N4BP2L2: variants seen among roughly 807,000 people sequenced by gnomAD.
The protein encoded by N4BP2L2 is NEDD4-binding protein 2-like 2.
In N4BP2L2, 50 loss-of-function variants were observed where a neutral mutation model predicts 56.2. The ratio of observed to expected loss-of-function variants is 0.89; its 90% CI spans 0.71 to 1.13. The LOEUF (loss-of-function observed/expected upper bound fraction) is 1.13, where lower values mean the gene tolerates loss of function less well. Among genes scored for constraint, N4BP2L2 ranks in the 50% most tolerant of loss-of-function variants. The probability of loss-of-function intolerance (pLI) is 0.00; values close to 1 mark genes in which losing one functional copy is unlikely to be tolerated. For synonymous variants in N4BP2L2, 203 were observed against 223.6 expected (o/e 0.91, Z 0.82); for missense variants, 689 against 693.8 (o/e 0.99, Z 0.08).
At chr13:32,533,350 A>C (rs576510534) in intron 2 of N4BP2L2, among the ~76,000 whole-genome samples, 1 of 151,736 alleles carries the variant, frequency 6.6e-6, no homozygotes, top group Non-Finnish European at 1.5e-5. Flanking sequence ...CTCTCTCAGA[A>C]TATCATCCGA....
chr13:32,469,671 G>C (rs963618679), intron 6 of N4BP2L2, among the ~76,000 whole-genome samples: 1 of 152,254 alleles, frequency 6.6e-6, no homozygotes, highest in Non-Finnish European at 1.5e-5. Context: ...TGAGACGAAG[G>C]AGCTGACACA....
intron 6 of N4BP2L2, among the ~76,000 whole-genome samples, chr13:32,444,720 C>G (rs985776707): frequency 6.6e-6 from 1 of 152,076 alleles, no homozygotes; most frequent in African/African-American, 2.4e-5. Context: ...AAAGAAAATA[C>G]TTCATATATA....
At chr13:32,471,772 A>ATGAAAGAGCTGCTG (rs2082345813) in intron 6 of N4BP2L2, among the ~76,000 whole-genome samples, 1 of 152,046 alleles carries the variant, frequency 6.6e-6, no homozygotes, top group South Asian at 2.1e-4. Flanking sequence ...GTGAGCTGCT[A>ATGAAAGAGCTGCTG]ATGAAAGAGC....
chr13:32,480,618 T>C, intron 6 of N4BP2L2: 1 of 1,288,282 alleles, frequency 7.8e-7, no homozygotes, highest in Non-Finnish European at 1.0e-6. Context: ...AGGAAACATT[T>C]GATATTTCTT....
intron 6 of N4BP2L2, among the ~76,000 whole-genome samples, chr13:32,446,008 G>C (rs2076997248): frequency 6.6e-6 from 1 of 152,214 alleles, no homozygotes; most frequent in South Asian, 2.1e-4. Flanking sequence ...ATCCAGGACA[G>C]AGGAATAGAA....
chr13:32,501,305 ACT>A lies in N4BP2L2; in HGVS notation c.365+16550_365+16551del, dbSNP rs1323544548. On this transcript the variant is annotated intron_variant, in intron 6 of 9. Transcript: ENST00000357505. Reference sequence around the variant, plus strand: ...ATAACTACAGATAGGCTGATATCACACTGTCACATGAACATTACACATAATGT... The same window carrying A: ...ATAACTACAGATAGGCTGATATCACAGTCACATGAACATTACACATAATGT... 1.7e-4 allele frequency among the ~76,000 whole-genome samples: 26 copies of A among 152,320 alleles called. No homozygotes were observed. In the East Asian group the frequency reaches 3.9e-3, roughly 23 times the overall value.
chr13:32,474,426 A>C (rs1481459136), intron 6 of N4BP2L2, among the ~76,000 whole-genome samples: 1 of 152,012 alleles, frequency 6.6e-6, no homozygotes, highest in Non-Finnish European at 1.5e-5. Context: ...ACAGTGGCTC[A>C]CGCCTGTAAT....
At chr13:32,475,953 T>G (rs1235913962) in intron 6 of N4BP2L2, among the ~76,000 whole-genome samples, 1 of 152,168 alleles carries the variant, frequency 6.6e-6, no homozygotes, top group Non-Finnish European at 1.5e-5. Context: ...AGGCATGATA[T>G]ATCTTGTTAG....
chr13:32,521,875 C>G (rs1039406446), intron 4 of N4BP2L2: 1 of 314,436 alleles, frequency 3.2e-6, no homozygotes, highest in Non-Finnish European at 5.8e-6. Flanking sequence ...ACTCAGGTGG[C>G]TGAGGCAGGA....
At chr13:32,510,031 ACTGT>A (rs2091524911), downstream of N4BP2L2, among the ~76,000 whole-genome samples, 1 of 152,078 alleles carries the variant, frequency 6.6e-6, no homozygotes, top group South Asian at 2.1e-4. Context: ...AACTTAAGTA[ACTGT>A]CTCTTTTACT....
chr13:32,502,562 T>C (rs2090197925), intron 6 of N4BP2L2, among the ~76,000 whole-genome samples: 1 of 152,234 alleles, frequency 6.6e-6, no homozygotes, highest in Admixed American at 6.5e-5. Flanking sequence ...ATCCATCTAA[T>C]AACTCTACAT....
intron 6 of N4BP2L2, among the ~76,000 whole-genome samples, chr13:32,496,490 C>T (rs1364894906): frequency 1.3e-5 from 2 of 152,172 alleles, no homozygotes; most frequent in South Asian, 2.1e-4. Flanking sequence ...TGACAGCTTA[C>T]TCCAGGGTAC....
exon 2 of N4BP2L2, chr13:32,536,575 G>A (rs1191882606): frequency 3.1e-6 from 5 of 1,613,530 alleles, no homozygotes; most frequent in Non-Finnish European, 4.2e-6. Context: ...GTCCTCCTCT[G>A]TCATTTATAC....
intron 6 of N4BP2L2, among the ~76,000 whole-genome samples, chr13:32,467,041 A>G (rs181678060): frequency 1.3e-5 from 2 of 152,336 alleles, no homozygotes; most frequent in African/African-American, 4.8e-5. Flanking sequence ...AAAATAACAC[A>G]AACTTGATGT....
At chr13:32,448,370 A>G (rs1324942790) in intron 6 of N4BP2L2, among the ~76,000 whole-genome samples, 1 of 152,226 alleles carries the variant, frequency 6.6e-6, no homozygotes, top group Non-Finnish European at 1.5e-5. Context: ...GAATGGTACC[A>G]TTAGAAGAAA....
intron 4 of N4BP2L2, 158 bp from the exon 5 acceptor site, chr13:32,521,607 A>G (rs2050936535): frequency 1.9e-6 from 1 of 520,258 alleles, no homozygotes; most frequent in African/African-American, 2.0e-5. Context: ...AGTTAAGACT[A>G]TTTAACCGGA....
At chr13:32,492,252 T>C (rs939258406) in intron 6 of N4BP2L2, among the ~76,000 whole-genome samples, 1 of 146,774 alleles carries the variant, frequency 6.8e-6, no homozygotes, top group Admixed American at 6.8e-5. Flanking sequence ...TATTATTTTC[T>C]ACACATCCCA....
chr13:32,486,118 C>A (rs971507091), intron 6 of N4BP2L2, among the ~76,000 whole-genome samples: 3 of 151,978 alleles, frequency 2.0e-5, no homozygotes, highest in Non-Finnish European at 4.4e-5. Context: ...TGAAGCTCCC[C>A]AATCTGATAT....
exon 6 of N4BP2L2, chr13:32,516,802 C>G: frequency 1.5e-6 from 1 of 658,352 alleles, no homozygotes; most frequent in Non-Finnish European, 1.9e-6. Flanking sequence ...TGTTTTTTTC[C>G]TCATGTTGCA....
Sources: allele counts gnomAD v4.1 joint callset (sites outside exome capture counted in the v4.1 genomes callset), GRCh38; gene constraint gnomAD v4.1.1; transcripts MANE v1.5; gene names NCBI Gene and HGNC (gene_info 2026-07-23, HGNC 2026-07-21).